The following SH3RF1 variants were observed in gnomAD, a reference collection of about 807,000 sequenced individuals.
SH3RF1 encodes the protein E3 ubiquitin-protein ligase SH3RF1.
SH3RF1 carries 32 observed loss-of-function variants against 74.0 expected under a neutral mutation model. The ratio of observed to expected loss-of-function variants is 0.43; its 90% CI spans 0.33 to 0.58. SH3RF1 has a LOEUF of 0.58. SH3RF1 is among the 20% of genes least tolerant of loss of function. The pLI is 0.05. For synonymous variants in SH3RF1, 396 were observed against 439.6 expected (o/e 0.90, Z 1.24); for missense variants, 954 against 1,130.9 (o/e 0.84, Z 2.24).
At chr4:169,217,822 A>G (rs1730491658) in intron 2 of SH3RF1, among the ~76,000 whole-genome samples, 1 of 152,196 alleles carries the variant, frequency 6.6e-6, no homozygotes, top group South Asian at 2.1e-4. Flanking sequence ...AGAACCGTAT[A>G]CTTTAAAATG....
chr4:169,168,357 T>C (rs1396857581), intron 2 of SH3RF1, among the ~76,000 whole-genome samples: 1 of 152,188 alleles, frequency 6.6e-6, no homozygotes, highest in African/African-American at 2.4e-5. Context: ...CCAGTCAGTC[T>C]CTCACTAGAT....
intron 4 of SH3RF1, among the ~76,000 whole-genome samples, chr4:169,137,560 A>C (rs1378891475): frequency 6.6e-6 from 1 of 152,240 alleles, no homozygotes; most frequent in Non-Finnish European, 1.5e-5. Context: ...GGTAACTTAA[A>C]TATAATATTA....
chr4:169,180,309 G>A (rs72985096), intron 2 of SH3RF1, among the ~76,000 whole-genome samples: 2,535 of 152,260 alleles, frequency 0.017, 73 homozygotes, highest in African/African-American at 0.056. Context: ...ACCCAAACCG[G>A]AGAGTCTGAG....
At chr4:169,257,880 CT>C (rs1443193182) in intron 2 of SH3RF1, among the ~76,000 whole-genome samples, 1 of 152,162 alleles carries the variant, frequency 6.6e-6, no homozygotes, top group African/African-American at 2.4e-5. Context: ...ACTTCTAAAT[CT>C]AACAGTTCAT....
chr4:169,179,246 A>T (rs1204110266), intron 2 of SH3RF1, among the ~76,000 whole-genome samples: 1 of 152,204 alleles, frequency 6.6e-6, no homozygotes, highest in Non-Finnish European at 1.5e-5. Context: ...AGACAAAAGG[A>T]GAGGACCACA....
At chr4:169,165,242 G>A (rs1734216018) in intron 2 of SH3RF1, among the ~76,000 whole-genome samples, 1 of 152,172 alleles carries the variant, frequency 6.6e-6, no homozygotes, top group Non-Finnish European at 1.5e-5. Flanking sequence ...ACCTGACCCT[G>A]GGGTGTAGAG....
chr4:169,268,773 G>T, intron 2 of SH3RF1, 47 bp downstream of exon 2: 1 of 1,511,186 alleles, frequency 6.6e-7, no homozygotes. Context: ...GAAAAAATGT[G>T]GACATTACCA....
chr4:169,126,039 T>C (rs966078819), intron 6 of SH3RF1, among the ~76,000 whole-genome samples: 1 of 152,206 alleles, frequency 6.6e-6, no homozygotes, highest in African/African-American at 2.4e-5. Context: ...ACCTGAGAGA[T>C]GGAGTTAATA....
chr4:169,236,232 T>C (rs1730821417), intron 2 of SH3RF1, among the ~76,000 whole-genome samples: 1 of 152,218 alleles, frequency 6.6e-6, no homozygotes, highest in Non-Finnish European at 1.5e-5. Context: ...GTAACTCACT[T>C]TGGACAATGA....
At chr4:169,225,066 A>G (rs891058031) in intron 2 of SH3RF1, among the ~76,000 whole-genome samples, 2 of 152,328 alleles carry the variant, frequency 1.3e-5, no homozygotes, top group East Asian at 3.9e-4. Context: ...CATGCCTGGG[A>G]GTAAAGAGAG....
chr4:169,133,048 C>T (rs1467642446), intron 5 of SH3RF1, among the ~76,000 whole-genome samples: 1 of 152,180 alleles, frequency 6.6e-6, no homozygotes, highest in South Asian at 2.1e-4. Flanking sequence ...GTCCCTTTCA[C>T]CTTCCAGCTG....
intron 11 of SH3RF1, among the ~76,000 whole-genome samples, chr4:169,105,892 A>C (rs953821507): frequency 1.3e-5 from 2 of 152,200 alleles, no homozygotes; most frequent in Non-Finnish European, 2.9e-5. Flanking sequence ...TCTCAAAAAA[A>C]GAAGAGAGTT....
intron 2 of SH3RF1, among the ~76,000 whole-genome samples, chr4:169,263,256 C>T (rs751721486): frequency 4.6e-5 from 7 of 152,156 alleles, no homozygotes; most frequent in African/African-American, 1.4e-4. Context: ...CCAAGGACCA[C>T]GAACTACAAA....
chr4:169,156,600 C>T lies in SH3RF1; in HGVS notation c.473G>A (p.Gly158Asp). The T allele has an allele frequency of 6.2e-7, 1 of 1,613,946 alleles. No individual in the cohort carries two copies. Among genetic ancestry groups the T allele is most frequent in the Non-Finnish European group, 8.5e-7 (1 of 1,179,964 alleles). Residue 158 changes from glycine to aspartate, a missense_variant, in exon 3 of 12, where the codon GGT (glycine) becomes GAT (aspartate). Physicochemically the swap from Gly to Asp is moderately conservative, Grantham distance 94 (BLOSUM62 -1). Coordinates refer to ENST00000284637, the MANE Select transcript of SH3RF1 (RefSeq NM_020870.4). Reference sequence around the variant, plus strand: ...TTGTCTTCGCAAAATGATGATGTCACCTTTGCTGAATTTAAGGTCTCCAGG... The same window carrying T: ...TTGTCTTCGCAAAATGATGATGTCATCTTTGCTGAATTTAAGGTCTCCAGG... ...KEPGDLKFSK[G>D]DIIILRRQVD... is the part of the protein sequence containing the mutation.
intron 4 of SH3RF1, among the ~76,000 whole-genome samples, chr4:169,145,394 A>T (rs1733858078): frequency 6.6e-6 from 1 of 151,962 alleles, no homozygotes; most frequent in Admixed American, 6.6e-5. Flanking sequence ...AATAACAGAC[A>T]CTGAGGATGC....
chr4:169,227,367 T>C (rs1279119881), intron 2 of SH3RF1, among the ~76,000 whole-genome samples: 1 of 152,210 alleles, frequency 6.6e-6, no homozygotes, highest in East Asian at 1.9e-4. Context: ...AAAATGTTCC[T>C]CTTGAATAAG....
At chr4:169,211,916 A>G (rs893630641) in intron 2 of SH3RF1, among the ~76,000 whole-genome samples, 3 of 152,188 alleles carry the variant, frequency 2.0e-5, no homozygotes, top group Admixed American at 1.3e-4. Flanking sequence ...AAAAATTGCA[A>G]AAGTCACTGT....
intron 10 of SH3RF1, among the ~76,000 whole-genome samples, chr4:169,115,592 A>ATGGTGAGT (rs1308335954): frequency 6.6e-6 from 1 of 152,190 alleles, no homozygotes; most frequent in Non-Finnish European, 1.5e-5. Flanking sequence ...ATTCTACATT[A>ATGGTGAGT]TGGTGAGTTC....
chr4:169,181,114 G>A (rs1204220376), intron 2 of SH3RF1, among the ~76,000 whole-genome samples: 1 of 152,110 alleles, frequency 6.6e-6, no homozygotes, highest in Non-Finnish European at 1.5e-5. Flanking sequence ...ATACTATACA[G>A]TGAGCCGTGC....
Sources: allele counts gnomAD v4.1 joint callset (sites outside exome capture counted in the v4.1 genomes callset), GRCh38; gene constraint gnomAD v4.1.1; transcripts MANE v1.5; gene names NCBI Gene and HGNC (gene_info 2026-07-23, HGNC 2026-07-21).